Variants in WDFY3 observed in about 807,000 individuals in gnomAD.
WDFY3 encodes WD repeat and FYVE domain containing 3.
WDFY3 carries 66 observed loss-of-function variants against 409.6 expected under a neutral mutation model. That is an observed-to-expected ratio of 0.16 (90% CI 0.13 to 0.20). The LOEUF (loss-of-function observed/expected upper bound fraction) is 0.20, where lower values mean the gene tolerates loss of function less well. Among genes scored for constraint, WDFY3 ranks in the 10% least tolerant of loss-of-function variants. The probability of loss-of-function intolerance (pLI) is 1.00; values close to 1 mark genes in which losing one functional copy is unlikely to be tolerated. For synonymous variants in WDFY3, 1,521 were observed against 1,537.1 expected, an observed-to-expected ratio of 0.99 and a Z score of 0.25; for missense variants, 3,031 against 4,298.1, an observed-to-expected ratio of 0.71 and a Z score of 8.24.
chr4:84,737,084 T>G (rs1488866650), intron 41 of WDFY3, 100 bp downstream of exon 41: 1 of 1,271,144 alleles, frequency 7.9e-7, no homozygotes, highest in Non-Finnish European at 1.1e-6. Context: ...GATGACTTTA[T>G]AGAATCCTTT....
At chr4:84,708,105 T>G (rs1015046455) in intron 53 of WDFY3, among the ~76,000 whole-genome samples, 3 of 152,224 alleles carry the variant, frequency 2.0e-5, no homozygotes, top group African/African-American at 7.2e-5. Flanking sequence ...TAATCAGATG[T>G]CTATCAGACA....
intron 35 of WDFY3, 52 bp from the exon 36 acceptor site, chr4:84,751,768 T>C: frequency 6.3e-7 from 1 of 1,588,822 alleles, no homozygotes; most frequent in East Asian, 2.2e-5. Context: ...TCTGACATTT[T>C]TACTTCTGTG....
At chr4:84,789,662 C>A in intron 22 of WDFY3, 64 bp downstream of exon 22, 1 of 1,524,930 alleles carries the variant, frequency 6.6e-7, no homozygotes, top group Non-Finnish European at 9.0e-7. Flanking sequence ...CACACACACA[C>A]ACACACACCC....
At chr4:84,713,338 C>T (rs1483728558) in intron 50 of WDFY3, 99 bp from the exon 51 acceptor site, 11 of 1,046,398 alleles carry the variant, frequency 1.1e-5, no homozygotes, top group South Asian at 3.9e-5. Flanking sequence ...TTCATAGTTG[C>T]GTCTACCCTC....
chr4:84,801,894 A>G, intron 16 of WDFY3, 30 bp from the exon 17 acceptor site: 1 of 1,599,154 alleles, frequency 6.3e-7, no homozygotes, highest in Non-Finnish European at 8.6e-7. Context: ...CCACACAGTC[A>G]GGTCATTCTT....
chr4:84,672,493 T>C lies in WDFY3; in HGVS notation c.*375A>G, dbSNP rs1396496924. ...AGAAGTCAGATTTACAACCATTTTC[T>C]AAAAGCCTTTTTTGTTGTTGGTTTT... On this transcript the variant is annotated 3_prime_UTR_variant, in exon 68 of 68. Transcript: ENST00000295888. 6.3e-6 allele frequency: 1 copy of C among 158,748 alleles called. No homozygotes were observed. The highest frequency in any genetic ancestry group is 1.4e-5 in the Non-Finnish European group (1 of 72,516). The allele number at this position is 158,748 out of a possible 1,614,324, so 9.8% of individuals were successfully genotyped here. A position where few individuals can be genotyped will look rare whatever the true frequency, so the allele number is the denominator to read the frequency against.
chr4:84,828,872 A>T (rs1755249341), intron 9 of WDFY3, 132 bp downstream of exon 9: 1 of 894,668 alleles, frequency 1.1e-6, no homozygotes, highest in East Asian at 3.0e-5. Flanking sequence ...AAAAGAAGGG[A>T]GTAAAGCCAG....
intron 56 of WDFY3, among the ~76,000 whole-genome samples, chr4:84,699,680 G>C (rs1445038909): frequency 6.6e-6 from 1 of 151,998 alleles, no homozygotes; most frequent in Non-Finnish European, 1.5e-5. Flanking sequence ...AATGTATGAG[G>C]GTTCTAATTT....
intron 5 of WDFY3, among the ~76,000 whole-genome samples, chr4:84,845,315 C>G (rs1020909485): frequency 5.3e-5 from 8 of 152,088 alleles, no homozygotes; most frequent in Non-Finnish European, 4.4e-5. Flanking sequence ...AGACAAAATT[C>G]TTTTCAATGA....
intron 5 of WDFY3, among the ~76,000 whole-genome samples, chr4:84,848,380 T>G (rs898201567): frequency 1.3e-5 from 2 of 152,170 alleles, no homozygotes; most frequent in Admixed American, 6.5e-5. Context: ...ACAAAATGAT[T>G]TCCCACACAG....
At chr4:84,686,463 CCTTT>C (rs772800674) in intron 62 of WDFY3, among the ~76,000 whole-genome samples, 2 of 152,108 alleles carry the variant, frequency 1.3e-5, no homozygotes, top group African/African-American at 2.4e-5. Context: ...TAAGTGAATT[CCTTT>C]CTTTTTCCTT....
At chr4:84,675,769 T>C (rs1354678160) in intron 67 of WDFY3, among the ~76,000 whole-genome samples, 2 of 152,156 alleles carry the variant, frequency 1.3e-5, no homozygotes, top group African/African-American at 4.8e-5. Flanking sequence ...GTACTGTCCA[T>C]GGAATCCTTT....
At chr4:84,883,028 A>AAT (rs1183093210) in intron 3 of WDFY3, among the ~76,000 whole-genome samples, 2 of 152,186 alleles carry the variant, frequency 1.3e-5, no homozygotes, top group Non-Finnish European at 2.9e-5. Context: ...TTTTGAATTA[A>AAT]ATAGTCTACA....
intron 45 of WDFY3, among the ~76,000 whole-genome samples, chr4:84,725,232 C>T (rs2149109146): frequency 6.6e-6 from 1 of 152,264 alleles, no homozygotes; most frequent in East Asian, 1.9e-4. Flanking sequence ...GCTGCTATCT[C>T]CAATTTGCTC....
chr4:84,770,266 G>A (rs2149417649), intron 30 of WDFY3, among the ~76,000 whole-genome samples: 1 of 152,114 alleles, frequency 6.6e-6, no homozygotes, highest in South Asian at 2.1e-4. Flanking sequence ...CTGACCTCAT[G>A]ATCCGCCCTC....
At chr4:84,724,936 T>C (rs1735426242) in intron 45 of WDFY3, among the ~76,000 whole-genome samples, 1 of 152,218 alleles carries the variant, frequency 6.6e-6, no homozygotes, top group Non-Finnish European at 1.5e-5. Flanking sequence ...TTGAAGAGCA[T>C]CAAGCTGCAA....
intron 60 of WDFY3, among the ~76,000 whole-genome samples, 159 bp downstream of exon 60, chr4:84,691,472 C>G (rs1221214048): frequency 6.6e-6 from 1 of 152,186 alleles, no homozygotes; most frequent in Non-Finnish European, 1.5e-5. Context: ...TTCAGTGAAG[C>G]TCTCCTTTCC....
chr4:84,745,242 C>A (rs1039435087), intron 36 of WDFY3, among the ~76,000 whole-genome samples: 1 of 152,104 alleles, frequency 6.6e-6, no homozygotes, highest in East Asian at 1.9e-4. Flanking sequence ...TAGTTTCAGC[C>A]AGGTTTTTGA....
chr4:84,741,798 T>C lies in WDFY3; in HGVS notation c.6197A>G (p.Lys2066Arg), dbSNP rs779059823. The C allele has an allele frequency of 6.2e-7, 1 of 1,612,648 alleles. No homozygotes were observed. Among genetic ancestry groups the C allele is most frequent in the Non-Finnish European group, 8.5e-7 (1 of 1,179,006 alleles). ...TTGAATTATAAAATCTATAAGAAGTTTAGATTCTTTGTTGAACATGCCTTG... is the reference window on the plus strand; with the variant it reads ...TTGAATTATAAAATCTATAAGAAGTCTAGATTCTTTGTTGAACATGCCTTG... ...LWQGMFNKES[K>R]LLIDFIIQLI... The change falls in exon 38 of 68, where the codon AAA becomes AGA. Residue 2066 changes from lysine (K) to arginine (R), a missense_variant. Lys to Arg is a conservative substitution (Grantham distance 26). Transcript: ENST00000295888.
Sources: allele counts gnomAD v4.1 joint callset (sites outside exome capture counted in the v4.1 genomes callset), GRCh38; gene constraint gnomAD v4.1.1; transcripts MANE v1.5; gene names NCBI Gene and HGNC (gene_info 2026-07-23, HGNC 2026-07-21).